Variants in FGF14 observed in about 807,000 individuals in gnomAD.
FGF14 encodes the protein fibroblast growth factor 14.
FGF14 carries 5 observed loss-of-function variants against 25.5 expected under a neutral mutation model. The ratio of observed to expected loss-of-function variants is 0.20; its 90% CI spans 0.10 to 0.41. The LOEUF (loss-of-function observed/expected upper bound fraction) is 0.41, where lower values mean the gene tolerates loss of function less well. Ranked by LOEUF, FGF14 falls within the 10% of genes least tolerant of loss-of-function variation. The probability of loss-of-function intolerance (pLI) is 1.00; values close to 1 mark genes in which losing one functional copy is unlikely to be tolerated. For missense variants in FGF14, 222 were observed against 320.1 expected, an observed-to-expected ratio of 0.69 and a Z score of 2.34; for synonymous variants, 138 against 118.3, an observed-to-expected ratio of 1.17 and a Z score of -1.08.
At chr13:102,206,438 T>C (rs146333439) in intron 1 of FGF14, among the ~76,000 whole-genome samples, 130 of 152,304 alleles carry the variant, frequency 8.5e-4, no homozygotes, top group African/African-American at 3.1e-3. Flanking sequence ...CCCAGCACTT[T>C]GGGAGGCTGA....
At chr13:101,999,201 T>A (rs974657926) in intron 1 of FGF14, among the ~76,000 whole-genome samples, 9 of 152,216 alleles carry the variant, frequency 5.9e-5, no homozygotes, top group Non-Finnish European at 1.2e-4. Flanking sequence ...TTTTTAAATC[T>A]TCATCAAAGG....
chr13:102,316,659 T>C (rs994367678), intron 1 of FGF14, among the ~76,000 whole-genome samples: 1 of 152,182 alleles, frequency 6.6e-6, no homozygotes, highest in Non-Finnish European at 1.5e-5. Context: ...TATATATGCA[T>C]ATAAAATATT....
chr13:102,350,797 C>T (rs767962853), intron 1 of FGF14, among the ~76,000 whole-genome samples: 8 of 152,158 alleles, frequency 5.3e-5, no homozygotes, highest in Non-Finnish European at 1.0e-4. Context: ...TAAGGAGTGG[C>T]GTAAGATGCA....
intron 1 of FGF14, among the ~76,000 whole-genome samples, chr13:101,988,969 A>C (rs1321984304): frequency 3.3e-5 from 5 of 152,056 alleles, no homozygotes; most frequent in Non-Finnish European, 7.4e-5. Flanking sequence ...CTTAAGATCA[A>C]ACATAATTGC....
chr13:102,394,459 G>A (rs1281519119), intron 1 of FGF14: 1 of 152,338 alleles, frequency 6.6e-6, no homozygotes, highest in African/African-American at 2.4e-5. Flanking sequence ...CCCTAGCCCC[G>A]ACCCGCGCCC....
At position 101,857,899 on chromosome 13, in the gene FGF14, A is replaced by G. The variant is rs868644505; in HGVS notation, c.408+10826T>C. ...ACAACATAAAAAAGAAAAAACAATG[A>G]AAGTTATCACTGAGGGAGTTATTTT... On this transcript the variant is annotated intron_variant, in intron 3 of 4. Coordinates refer to ENST00000376143, the MANE Select transcript of FGF14 (RefSeq NM_004115.4). Among the ~76,000 whole-genome samples, 9 of 152,160 alleles carry G rather than the reference A, an allele frequency of 5.9e-5. 1 individual carries two copies. In the South Asian group the frequency reaches 1.5e-3, roughly 25 times the overall value.
intron 1 of FGF14, among the ~76,000 whole-genome samples, chr13:101,908,450 C>T (rs1053321504): frequency 3.9e-5 from 6 of 152,042 alleles, no homozygotes; most frequent in Non-Finnish European, 8.8e-5. Context: ...GTGTACCTAC[C>T]ACATGGGTTT....
At chr13:101,850,753 T>C (rs2043806258) in intron 3 of FGF14, among the ~76,000 whole-genome samples, 1 of 149,400 alleles carries the variant, frequency 6.7e-6, no homozygotes, top group African/African-American at 2.5e-5. Flanking sequence ...TGTATATATA[T>C]TCTATATCCA....
chr13:102,173,843 T>C (rs538399815), intron 1 of FGF14, among the ~76,000 whole-genome samples: 1 of 152,028 alleles, frequency 6.6e-6, no homozygotes, highest in East Asian at 1.9e-4. Context: ...GTATGGGAAG[T>C]TGTTCAATGG....
intron 1 of FGF14, among the ~76,000 whole-genome samples, chr13:102,219,984 G>A (rs1156633863): frequency 6.6e-6 from 1 of 152,066 alleles, no homozygotes; most frequent in Non-Finnish European, 1.5e-5. Flanking sequence ...AATAGTAAGT[G>A]ATGTAATAAT....
At chr13:101,784,885 G>C (rs571513542) in intron 3 of FGF14, among the ~76,000 whole-genome samples, 1 of 152,300 alleles carries the variant, frequency 6.6e-6, no homozygotes, top group South Asian at 2.1e-4. Context: ...TGTGGCAAGG[G>C]GGAAGTATCA....
At chr13:101,906,756 T>G (rs991502506) in intron 1 of FGF14, among the ~76,000 whole-genome samples, 15 of 152,124 alleles carry the variant, frequency 9.9e-5, no homozygotes, top group African/African-American at 3.6e-4. Context: ...CTGTTTGTCA[T>G]TTTGACAAAA....
intron 1 of FGF14, among the ~76,000 whole-genome samples, chr13:101,972,215 C>G (rs1292948448): frequency 1.3e-5 from 2 of 152,186 alleles, no homozygotes; most frequent in Non-Finnish European, 2.9e-5. Context: ...GAGGACAGCA[C>G]GTAGCTCATT....
chr13:102,218,801 A>G (rs2050486737), intron 1 of FGF14, among the ~76,000 whole-genome samples: 1 of 152,184 alleles, frequency 6.6e-6, no homozygotes, highest in Admixed American at 6.5e-5. Context: ...AATATGTAGT[A>G]ATATAAACCT....
chr13:102,177,437 T>C (rs1211583810), intron 1 of FGF14, among the ~76,000 whole-genome samples: 2 of 152,240 alleles, frequency 1.3e-5, no homozygotes, highest in Admixed American at 6.5e-5. Flanking sequence ...AACTCCTCAT[T>C]TTACTTATAG....
Position 102,339,404 on chromosome 13 carries a change from T to C in FGF14, c.208+62067A>G, listed in dbSNP as rs571678763. Among the ~76,000 whole-genome samples, 9 of 152,230 alleles carry C rather than the reference T, an allele frequency of 5.9e-5. No homozygotes were observed. In the South Asian group the frequency reaches 1.9e-3, roughly 32 times the overall value. On this transcript the variant is annotated intron_variant, in intron 1 of 4. Transcript: ENST00000376131. The stretch of plus-strand genomic sequence containing the variant: ...GTAGAAAAGACCAAACAAAAGAATT[T>C]GTATGGAAATGATCAAAGACATAAT...
chr13:101,916,774 T>A lies in FGF14; in HGVS notation c.-129A>T, dbSNP rs573804954. ...CAGAGGAGGGGGTGCCAGGCGGGAC[T>A]GGGGAGAGGGGAAGGGGGGCTCAGT... On this transcript the variant is annotated 5_prime_UTR_variant, in exon 1 of 5. Transcript: ENST00000376143. 5.1e-4 allele frequency: 386 copies of A among 762,840 alleles called. 4 individuals are homozygous for A. The Admixed American group carries it at 9.4e-3, about 19-fold the overall frequency. 47.3% of individuals were successfully genotyped at this position (762,840 alleles called of 1,614,324 possible).
chr13:101,754,697 C>T (rs979184900), intron 3 of FGF14, among the ~76,000 whole-genome samples: 2 of 152,050 alleles, frequency 1.3e-5, no homozygotes, highest in African/African-American at 4.8e-5. Flanking sequence ...CCACTGCACC[C>T]CAGCCTGGGT....
chr13:101,874,263 T>C (rs946485876), intron 2 of FGF14, among the ~76,000 whole-genome samples: 1 of 152,102 alleles, frequency 6.6e-6, no homozygotes, highest in Admixed American at 6.6e-5. Flanking sequence ...ATTATGTGTA[T>C]TATTCAAACC....
Sources: allele counts gnomAD v4.1 joint callset (sites outside exome capture counted in the v4.1 genomes callset), GRCh38; gene constraint gnomAD v4.1.1; transcripts MANE v1.5; gene names NCBI Gene and HGNC (gene_info 2026-07-23, HGNC 2026-07-21).